Variants in GIGYF2 observed in about 807,000 individuals in gnomAD.
GIGYF2 encodes GRB10-interacting GYF protein 2.
GIGYF2 carries 25 observed loss-of-function variants against 208.1 expected under a neutral mutation model. The ratio of observed to expected loss-of-function variants is 0.12; its 90% CI spans 0.09 to 0.17. GIGYF2 has a LOEUF of 0.17. Ranked by LOEUF, GIGYF2 falls within the 10% of genes least tolerant of loss-of-function variation. GIGYF2 has a pLI of 1.00. For missense variants in GIGYF2, 1,302 were observed against 1,579.4 expected, an observed-to-expected ratio of 0.82 and a Z score of 2.98; for synonymous variants, 534 against 543.8, an observed-to-expected ratio of 0.98 and a Z score of 0.25.
At chr2:232,743,651 C>G (rs1429311086) in intron 3 of GIGYF2, among the ~76,000 whole-genome samples, 1 of 152,060 alleles carries the variant, frequency 6.6e-6, no homozygotes, top group Non-Finnish European at 1.5e-5. Flanking sequence ...AAGAATATTA[C>G]CCAAATATGT....
At chr2:232,781,166 C>A (rs1440270977) in intron 8 of GIGYF2, among the ~76,000 whole-genome samples, 1 of 151,972 alleles carries the variant, frequency 6.6e-6, no homozygotes, top group Non-Finnish European at 1.5e-5. Flanking sequence ...GTCATGTTGG[C>A]CAGGCTGGTC....
chr2:232,757,496 C>T (rs1488804195), intron 6 of GIGYF2, among the ~76,000 whole-genome samples: 1 of 151,918 alleles, frequency 6.6e-6, no homozygotes, highest in Non-Finnish European at 1.5e-5. Context: ...ATTCATACAC[C>T]GAGTTAGGTT....
intron 17 of GIGYF2, among the ~76,000 whole-genome samples, chr2:232,811,683 G>A (rs1351389971): frequency 1.3e-5 from 2 of 152,100 alleles, no homozygotes; most frequent in Non-Finnish European, 2.9e-5. Context: ...GTATCTCAAA[G>A]TATTAGCCAC....
At chr2:232,716,458 A>G (rs1271082967) in intron 2 of GIGYF2, among the ~76,000 whole-genome samples, 1 of 139,560 alleles carries the variant, frequency 7.2e-6, no homozygotes, top group African/African-American at 2.7e-5. Context: ...GGCTCACTGC[A>G]ACTTCCACCT....
chr2:232,805,582 T>C (rs1700537065), intron 14 of GIGYF2, among the ~76,000 whole-genome samples: 2 of 152,236 alleles, frequency 1.3e-5, no homozygotes, highest in African/African-American at 4.8e-5. Flanking sequence ...TGTGTGACTT[T>C]CTTGTAGATA....
chr2:232,730,897 CAAAAAAAA>C (rs34491260), intron 2 of GIGYF2, among the ~76,000 whole-genome samples: 8 of 51,574 alleles, frequency 1.6e-4, no homozygotes, highest in South Asian at 9.6e-4. Context: ...GACTCCGTCT[CAAAAAAAA>C]AAAAAAAAAA....
At chr2:232,783,416 TG>T (rs1271171919) in intron 8 of GIGYF2, among the ~76,000 whole-genome samples, 3 of 151,962 alleles carry the variant, frequency 2.0e-5, no homozygotes, top group Non-Finnish European at 4.4e-5. Context: ...TTATTTTTTT[TG>T]GCTCCAGTTC....
At chr2:232,801,835 G>A (rs1056696282) in intron 14 of GIGYF2, among the ~76,000 whole-genome samples, 1 of 152,106 alleles carries the variant, frequency 6.6e-6, no homozygotes, top group African/African-American at 2.4e-5. Context: ...ATTTTAATAG[G>A]GATTATCTTT....
chr2:232,812,534 G>C (rs747826963), intron 18 of GIGYF2, 43 bp downstream of exon 18: 1 of 785,046 alleles, frequency 1.3e-6, no homozygotes, highest in Non-Finnish European at 2.3e-6. Context: ...TGAGGATTCA[G>C]AGTCTAATAA....
chr2:232,834,749 C>T (rs34707169), intron 22 of GIGYF2, among the ~76,000 whole-genome samples: 42,372 of 151,976 alleles, frequency 0.28, 6,660 homozygotes, highest in Non-Finnish European at 0.36. Context: ...GTTCTTCTCT[C>T]TATTCTTTGT....
chr2:232,848,398 G>A (rs979420420), intron 27 of GIGYF2, among the ~76,000 whole-genome samples: 18 of 152,194 alleles, frequency 1.2e-4, no homozygotes, highest in Non-Finnish European at 2.5e-4. Flanking sequence ...CACTTTGGGA[G>A]GCCGAGACAG....
At chr2:232,713,912 A>G (rs567035291) in intron 2 of GIGYF2, among the ~76,000 whole-genome samples, 1 of 146,848 alleles carries the variant, frequency 6.8e-6, no homozygotes, top group Non-Finnish European at 1.5e-5. Context: ...GAAGTTAGTT[A>G]TTCCCCCTGG....
chr2:232,762,665 C>T (rs926129151), intron 8 of GIGYF2, among the ~76,000 whole-genome samples: 1 of 152,108 alleles, frequency 6.6e-6, no homozygotes, highest in African/African-American at 2.4e-5. Context: ...ATCACTGTTT[C>T]TGTTAAAAAC....
chr2:232,857,294 AAG>A lies in GIGYF2; in HGVS notation c.*439_*440del, dbSNP rs1690615136. 3.7e-6 allele frequency: 1 copy of A among 272,680 alleles called. No homozygotes were observed. Among genetic ancestry groups the A allele is most frequent in the South Asian group, 3.9e-5 (1 of 25,332 alleles). The allele number at this position is 272,680 out of a possible 1,614,324, so 16.9% of individuals were successfully genotyped here. ...AAATGGTCTAACTGGTGCAATCATG[AAG>A]AGAGTTAATGGTTAACAGACATTGG... On this transcript the variant is annotated 3_prime_UTR_variant, in exon 29 of 29. Transcript: ENST00000373563.
intron 5 of GIGYF2, among the ~76,000 whole-genome samples, chr2:232,753,006 G>A (rs941607397): frequency 6.6e-6 from 1 of 152,004 alleles, no homozygotes; most frequent in Non-Finnish European, 1.5e-5. Flanking sequence ...TGCTTATGGT[G>A]TCTACAACTA....
At chr2:232,841,251 C>T (rs998889950) in intron 23 of GIGYF2, among the ~76,000 whole-genome samples, 7 of 152,058 alleles carry the variant, frequency 4.6e-5, no homozygotes, top group Non-Finnish European at 1.0e-4. Flanking sequence ...CACAGGTCTT[C>T]TCCTGTCTAC....
chr2:232,850,323 A>C lies in GIGYF2; in HGVS notation c.3746A>C (p.Asn1249Thr). The C allele has an allele frequency of 6.2e-7, 1 of 1,613,900 alleles. No homozygotes were observed. Among genetic ancestry groups the C allele is most frequent in the Non-Finnish European group, 8.5e-7 (1 of 1,179,780 alleles). ...LHSVFQTNQSNNQQSNFEAVQ... is the reference protein window; with the variant it reads ...LHSVFQTNQSTNQQSNFEAVQ... ...TCAGTATTTCAGACCAATCAAAGCAACAACCAACAATCCAATTTTGAGGCT... is the reference window on the plus strand; with the variant it reads ...TCAGTATTTCAGACCAATCAAAGCACCAACCAACAATCCAATTTTGAGGCT... The change falls in exon 28 of 29, where the codon AAC (asparagine) becomes ACC (threonine). Residue 1249 changes from asparagine to threonine, a missense_variant. Physicochemically the swap from Asn to Thr is moderately conservative, Grantham distance 65. Transcript: ENST00000373563.
intron 22 of GIGYF2, among the ~76,000 whole-genome samples, chr2:232,839,126 G>A (rs1005143121): frequency 4.6e-5 from 7 of 151,820 alleles, no homozygotes; most frequent in African/African-American, 7.3e-5. Flanking sequence ...TATTGTGTTC[G>A]CTTGTTTGAT....
At chr2:232,821,446 G>T (rs1006559735) in intron 21 of GIGYF2, among the ~76,000 whole-genome samples, 3 of 152,210 alleles carry the variant, frequency 2.0e-5, no homozygotes, top group African/African-American at 7.2e-5. Flanking sequence ...GTGATCGCTT[G>T]CCTTGGCCTC....
Sources: allele counts gnomAD v4.1 joint callset (sites outside exome capture counted in the v4.1 genomes callset), GRCh38; gene constraint gnomAD v4.1.1; transcripts MANE v1.5; gene names NCBI Gene and HGNC (gene_info 2026-07-23, HGNC 2026-07-21).